CNOT10: variants seen among roughly 807,000 people sequenced by gnomAD.
CNOT10 encodes the protein CCR4-NOT transcription complex subunit 10, also known as CCR4-NOT transcription complex, subunit 10.
CNOT10 carries 30 observed loss-of-function variants against 94.6 expected under a neutral mutation model. The ratio of observed to expected loss-of-function variants is 0.32; its 90% CI spans 0.24 to 0.43. CNOT10 has a LOEUF of 0.43. Ranked by LOEUF, CNOT10 falls within the 20% of genes least tolerant of loss-of-function variation. CNOT10 has a pLI of 1.00. For missense variants in CNOT10, 759 were observed against 877.2 expected (o/e 0.87, Z 1.70); for synonymous variants, 289 against 301.6 (o/e 0.96, Z 0.43).
Position 32,733,428 on chromosome 3 carries a change from T to G in CNOT10, c.1221T>G (p.Ser407=). The G allele has an allele frequency of 6.3e-7, 1 of 1,583,466 alleles. No homozygotes were observed. Among genetic ancestry groups the G allele is most frequent in the South Asian group, 1.2e-5 (1 of 86,620 alleles). Reference sequence around the variant, plus strand: ...AAATTATTTGTATTTTGTAGACTTCTGAACAAGAAACTAAAGGCCTTCCCA... The same window carrying G: ...AAATTATTTGTATTTTGTAGACTTCGGAACAAGAAACTAAAGGCCTTCCCA... ...ECCIAANKGT[S]EQETKGLPSK... is the part of the protein sequence containing the mutation. The change falls in exon 11 of 19, where the codon TCT becomes TCG. Residue 407 remains serine, a synonymous_variant. Transcript: ENST00000328834.
intron 13 of CNOT10, among the ~76,000 whole-genome samples, chr3:32,741,385 C>G (rs572254793): frequency 6.6e-6 from 1 of 152,156 alleles, no homozygotes; most frequent in East Asian, 1.9e-4. Flanking sequence ...TAGAAATATT[C>G]ACAGGTATTT....
intron 14 of CNOT10, among the ~76,000 whole-genome samples, chr3:32,760,605 C>T (rs1461662314): frequency 1.3e-5 from 2 of 151,934 alleles, no homozygotes; most frequent in African/African-American, 4.8e-5. Context: ...GCACTCCAGG[C>T]GGAGTGACAC....
intron 13 of CNOT10, chr3:32,752,840 C>G (rs994951396): frequency 1.6e-5 from 4 of 254,028 alleles, no homozygotes; most frequent in Admixed American, 1.5e-4. Flanking sequence ...AGAAGTTTCC[C>G]CCTTGGGCAG....
At chr3:32,707,476 C>T (rs1559483144) in intron 3 of CNOT10, among the ~76,000 whole-genome samples, 1 of 152,116 alleles carries the variant, frequency 6.6e-6, no homozygotes, top group Non-Finnish European at 1.5e-5. Context: ...GTTTTCTGTG[C>T]TGGTTTCCTT....
In CNOT10 at chr3:32,685,193, G is replaced by A. The variant is rs1017264521; in HGVS notation, c.-268G>A. ...AGGCTGCCGCCCCCGGAAGTAGTGG[G>A]TACCGGGACGCCGTGAGGCGGAAGC... On this transcript the variant is annotated 5_prime_UTR_variant, in exon 1 of 19. Transcript: ENST00000328834. The A allele has an allele frequency of 5.1e-6, 2 of 390,432 alleles. No individual in the cohort carries two copies. Among genetic ancestry groups the A allele is most frequent in the South Asian group, 3.3e-5 (1 of 30,188 alleles). The allele number at this position is 390,432 out of a possible 1,614,324, so 24.2% of individuals were successfully genotyped here. A position where few individuals can be genotyped will look rare whatever the true frequency, so the allele number is the denominator to read the frequency against.
chr3:32,695,775 C>T (rs1392554998), intron 1 of CNOT10: 2 of 1,535,764 alleles, frequency 1.3e-6, no homozygotes. Flanking sequence ...GCAACGGAGA[C>T]TACTTTTGGG....
intron 12 of CNOT10, among the ~76,000 whole-genome samples, chr3:32,736,205 C>T (rs567767412): frequency 6.6e-6 from 1 of 152,144 alleles, no homozygotes; most frequent in Admixed American, 6.6e-5. Flanking sequence ...CCTGCCTCAA[C>T]CCCCTAAATA....
intron 7 of CNOT10, among the ~76,000 whole-genome samples, chr3:32,717,663 C>A (rs922953538): frequency 1.3e-5 from 2 of 152,064 alleles, no homozygotes; most frequent in Middle Eastern, 3.2e-3. Context: ...GTCAGGAGTT[C>A]AAGACCAGCC....
chr3:32,702,468 A>G (rs1697396684), intron 1 of CNOT10, among the ~76,000 whole-genome samples: 1 of 152,228 alleles, frequency 6.6e-6, no homozygotes, highest in African/African-American at 2.4e-5. Context: ...CCAGCTAAAC[A>G]GATTATTAAC....
At chr3:32,753,408 A>C in intron 13 of CNOT10, 1 of 1,465,538 alleles carries the variant, frequency 6.8e-7, no homozygotes, top group Non-Finnish European at 9.5e-7. Flanking sequence ...TAAATGTGGA[A>C]TTTTCAGAAA....
chr3:32,747,982 G>A (rs1699781037), intron 13 of CNOT10, among the ~76,000 whole-genome samples: 1 of 151,982 alleles, frequency 6.6e-6, no homozygotes, highest in African/African-American at 2.4e-5. Context: ...AAGACTGCAG[G>A]CATGTACCGC....
chr3:32,755,575 G>A (rs1700194256), intron 13 of CNOT10, among the ~76,000 whole-genome samples: 1 of 151,780 alleles, frequency 6.6e-6, no homozygotes, highest in African/African-American at 2.4e-5. Flanking sequence ...TTGACAAATG[G>A]TGACTGACTG....
intron 10 of CNOT10, among the ~76,000 whole-genome samples, chr3:32,731,815 A>G (rs112774272): frequency 0.039 from 5,975 of 152,158 alleles, 187 homozygotes; most frequent in African/African-American, 0.079. Flanking sequence ...GCAGTGGTTC[A>G]TGCCTGTATT....
intron 13 of CNOT10, chr3:32,753,602 C>T: frequency 6.3e-7 from 1 of 1,582,022 alleles, no homozygotes; most frequent in Non-Finnish European, 8.7e-7. Context: ...GTGCCTACAC[C>T]AAAACAATTC....
chr3:32,738,074 A>G (rs1167800437), intron 13 of CNOT10, among the ~76,000 whole-genome samples: 3 of 152,200 alleles, frequency 2.0e-5, no homozygotes, highest in Non-Finnish European at 2.9e-5. Context: ...GACCATATAA[A>G]TGAGTTGAGA....
At chr3:32,696,086 CA>C (rs1357598323) in intron 1 of CNOT10, among the ~76,000 whole-genome samples, 1 of 150,812 alleles carries the variant, frequency 6.6e-6, no homozygotes, top group Non-Finnish European at 1.5e-5. Context: ...GAGGCCGAGG[CA>C]GGCGGATCAC....
intron 10 of CNOT10, among the ~76,000 whole-genome samples, chr3:32,732,354 C>T (rs1698998006): frequency 6.6e-6 from 1 of 151,870 alleles, no homozygotes; most frequent in Non-Finnish European, 1.5e-5. Context: ...AACACCGCTG[C>T]ACCCAAGCCT....
At chr3:32,752,096 C>G (rs1351401921) in intron 13 of CNOT10, among the ~76,000 whole-genome samples, 1 of 152,102 alleles carries the variant, frequency 6.6e-6, no homozygotes, top group Non-Finnish European at 1.5e-5. Context: ...CGGGACCAGC[C>G]TGACCAACAT....
intron 13 of CNOT10, among the ~76,000 whole-genome samples, chr3:32,754,708 G>A (rs930956695): frequency 6.8e-6 from 1 of 147,504 alleles, no homozygotes; most frequent in African/African-American, 2.5e-5. Context: ...TTTTGGTAGA[G>A]ACGGGGTTTC....
Sources: allele counts gnomAD v4.1 joint callset (sites outside exome capture counted in the v4.1 genomes callset), GRCh38; gene constraint gnomAD v4.1.1; transcripts MANE v1.5; gene names NCBI Gene and HGNC (gene_info 2026-07-23, HGNC 2026-07-21).